Variants in ARMC8 observed in about 807,000 individuals in gnomAD.
ARMC8 encodes armadillo repeat-containing protein 8.
Under a neutral mutation model 99.3 loss-of-function variants are expected in ARMC8, and 20 were observed. That is an observed-to-expected ratio of 0.20 (90% CI 0.14 to 0.29). ARMC8 has a LOEUF of 0.29. Ranked by LOEUF, ARMC8 falls within the 10% of genes least tolerant of loss-of-function variation. The probability of loss-of-function intolerance (pLI) is 1.00; values close to 1 mark genes in which losing one functional copy is unlikely to be tolerated. For synonymous variants in ARMC8, 263 were observed against 278.3 expected (o/e 0.95, Z 0.55); for missense variants, 569 against 809.5 (o/e 0.70, Z 3.60).
At position 138,241,562 on chromosome 3, in the gene ARMC8, C is replaced by T. The variant is rs529191902; in HGVS notation, c.838-221C>T. On this transcript the variant is annotated intron_variant, in intron 10 of 21. Transcript: ENST00000469044. ...TAGAATTTGTATTAATATACTTTGA[C>T]GTACGAATAGAGTTTAATGTGCCAG... Among the ~76,000 whole-genome samples, 16 of 152,186 alleles carry T rather than the reference C, an allele frequency of 1.1e-4. No individual in the cohort carries two copies. The South Asian group carries it at 2.3e-3, about 22-fold the overall frequency.
At chr3:138,205,068 T>C (rs1360551016) in intron 1 of ARMC8, among the ~76,000 whole-genome samples, 2 of 132,462 alleles carry the variant, frequency 1.5e-5, no homozygotes, top group African/African-American at 3.0e-5. Context: ...TTCTTTTTTT[T>C]TTTTTTTTTT....
intron 6 of ARMC8, among the ~76,000 whole-genome samples, chr3:138,233,873 A>G (rs981282023): frequency 2.0e-5 from 3 of 152,210 alleles, no homozygotes; most frequent in Admixed American, 1.3e-4. Context: ...ATGAAATATC[A>G]TCCCTGTGTT....
chr3:138,233,403 A>G (rs1204331465), intron 6 of ARMC8, among the ~76,000 whole-genome samples: 2 of 152,362 alleles, frequency 1.3e-5, no homozygotes, highest in Admixed American at 6.5e-5. Context: ...ACTGAGATGC[A>G]GCTTCAAATA....
In ARMC8 at chr3:138,187,539, G is replaced by C; in HGVS notation, c.-16G>C. On this transcript the variant is annotated 5_prime_UTR_variant, in exon 1 of 22. Coordinates refer to ENST00000469044, the MANE Select transcript of ARMC8 (RefSeq NM_001363941.2). Reference sequence around the variant, plus strand: ...CCCGCGCCGGCGCCTGCAGCAGCCGGGTGGGAAGGCTCAAGATGGCGTGCT... The same window carrying C: ...CCCGCGCCGGCGCCTGCAGCAGCCGCGTGGGAAGGCTCAAGATGGCGTGCT... 6.5e-7 allele frequency: 1 copy of C among 1,535,718 alleles called. No individual in the cohort carries two copies. The highest frequency in any genetic ancestry group is 8.7e-7 in the Non-Finnish European group (1 of 1,146,614).
Position 138,237,320 on chromosome 3 carries a change from A to T in ARMC8, c.621A>T (p.Gln207His), listed in dbSNP as rs1346073589. ...LTSLSYKVRMQALKCFSVLAF... is the reference protein window; with the variant it reads ...LTSLSYKVRMHALKCFSVLAF... ...ATTTATTTTTACAGGTTCGAATGCA[A>T]GCACTGAAATGTTTCTCAGTTTTAG... The change falls in exon 8 of 22, where the codon CAA becomes CAT. Residue 207 changes from glutamine (Q) to histidine (H), a missense_variant. Gln to His is a conservative substitution (Grantham distance 24). Around this residue, in one of 2 missense-constraint regions of ARMC8, gnomAD observed 342 missense variants for 391.6 expected, o/e 0.87. Coordinates refer to ENST00000469044, the MANE Select transcript of ARMC8 (RefSeq NM_001363941.2). The T allele has an allele frequency of 2.5e-6, 4 of 1,612,724 alleles. No homozygotes were observed. Among genetic ancestry groups the T allele is most frequent in the Non-Finnish European group, 3.4e-6 (4 of 1,179,778 alleles).
chr3:138,206,496 A>G (rs759946568), intron 1 of ARMC8, among the ~76,000 whole-genome samples: 8 of 152,174 alleles, frequency 5.3e-5, no homozygotes, highest in Non-Finnish European at 1.2e-4. Flanking sequence ...ATTTTAGGGC[A>G]TTTGAATTTG....
intron 1 of ARMC8, among the ~76,000 whole-genome samples, chr3:138,206,362 T>G (rs1257901555): frequency 6.6e-6 from 1 of 152,254 alleles, no homozygotes; most frequent in Non-Finnish European, 1.5e-5. Flanking sequence ...GCTGGCTTAC[T>G]GGACAGTGCA....
chr3:138,204,926 C>T (rs1382683323), intron 1 of ARMC8, among the ~76,000 whole-genome samples: 2 of 152,126 alleles, frequency 1.3e-5, no homozygotes, highest in African/African-American at 2.4e-5. Flanking sequence ...TTGACATCCT[C>T]ACTTGGATGT....
intron 2 of ARMC8, 37 bp downstream of exon 2, chr3:138,209,930 G>A: frequency 1.3e-5 from 20 of 1,530,438 alleles, no homozygotes; most frequent in Non-Finnish European, 1.8e-5. Context: ...TCAAAAAGTT[G>A]TTTGTTTTCA....
intron 7 of ARMC8, among the ~76,000 whole-genome samples, chr3:138,235,855 G>A (rs1213568080): frequency 2.7e-5 from 4 of 145,490 alleles, no homozygotes; most frequent in African/African-American, 1.0e-4. Context: ...GCCCAGGCTG[G>A]AGTGCGGTTG....
chr3:138,283,914 G>C (rs981838734), intron 18 of ARMC8, among the ~76,000 whole-genome samples: 1 of 152,164 alleles, frequency 6.6e-6, no homozygotes, highest in Non-Finnish European at 1.5e-5. Context: ...CACATGGCTG[G>C]TGTAGCTGGT....
At chr3:138,290,689 C>A in intron 21 of ARMC8, 50 bp downstream of exon 21, 1 of 1,264,840 alleles carries the variant, frequency 7.9e-7, no homozygotes, top group Non-Finnish European at 1.1e-6. Context: ...TGGATTCTTT[C>A]GTGAAAGGGT....
At chr3:138,202,601 C>A (rs1455970404) in intron 1 of ARMC8, among the ~76,000 whole-genome samples, 1 of 152,196 alleles carries the variant, frequency 6.6e-6, no homozygotes, top group African/African-American at 2.4e-5. Flanking sequence ...GACGTGATAA[C>A]ATCACCATTT....
At chr3:138,229,336 CT>C (rs71304266) in intron 6 of ARMC8, among the ~76,000 whole-genome samples, 1,876 of 132,548 alleles carry the variant, frequency 0.014, 32 homozygotes, top group African/African-American at 0.039. Flanking sequence ...CTCCCTCATT[CT>C]TTTTTTTTTT....
At chr3:138,253,298 T>C (rs2047229003) in intron 12 of ARMC8, among the ~76,000 whole-genome samples, 1 of 152,196 alleles carries the variant, frequency 6.6e-6, no homozygotes, top group Non-Finnish European at 1.5e-5. Context: ...CTGGACCCTG[T>C]GCTAAGCATT....
chr3:138,244,768 T>G (rs2046803547), intron 11 of ARMC8, among the ~76,000 whole-genome samples: 1 of 152,218 alleles, frequency 6.6e-6, no homozygotes, highest in Non-Finnish European at 1.5e-5. Context: ...CAAGCATTAG[T>G]GCCAGTAAAG....
rs576382169 is a variant in ARMC8 at position 138,213,731 on chromosome 3, TGAAGAA to T, written c.122+3848_122+3853del. On this transcript the variant is annotated intron_variant, in intron 2 of 21. Transcript: ENST00000469044. Reference sequence around the variant, plus strand: ...GTTCAACCAAGTTAAATCTCATACTTGAAGAAGAAGAAGAACTCTTCATATGATTTT... The same window carrying T: ...GTTCAACCAAGTTAAATCTCATACTTGAAGAAGAACTCTTCATATGATTTT... Among the ~76,000 whole-genome samples the T allele has an allele frequency of 1.3e-3, 200 of 152,302 alleles. 4 individuals carry two copies. Among genetic ancestry groups the T allele is most frequent in the Non-Finnish European group, 5.4e-4 (37 of 68,030 alleles).
At chr3:138,208,473 G>T (rs564051804) in intron 1 of ARMC8, among the ~76,000 whole-genome samples, 1 of 152,130 alleles carries the variant, frequency 6.6e-6, no homozygotes, top group Non-Finnish European at 1.5e-5. Flanking sequence ...TCTCAGGGGA[G>T]GGGGGAAGAA....
At chr3:138,197,360 T>A (rs1006192595) in intron 1 of ARMC8, among the ~76,000 whole-genome samples, 4 of 152,206 alleles carry the variant, frequency 2.6e-5, no homozygotes, top group African/African-American at 9.7e-5. Context: ...AAAGCCCTTT[T>A]TTATCAGGAA....
Sources: gnomAD v4.1 joint callset for allele counts (sites outside exome capture counted in the v4.1 genomes callset) on GRCh38, gnomAD v4.1.1 for gene constraint, gnomAD v4.1.1 regional missense constraint, MANE v1.5 for transcripts, NCBI Gene and HGNC (gene_info 2026-07-23, HGNC 2026-07-21) for gene names.